NHS: variants seen among roughly 807,000 people sequenced by gnomAD.
The protein encoded by NHS is NHS actin remodeling regulator.
In NHS, 5 loss-of-function variants were observed where a neutral mutation model predicts 72.5. The observed-to-expected ratio is 0.07, with a 90% CI of 0.04 to 0.14. The LOEUF is 0.14. NHS is among the 10% of genes least tolerant of loss of function. The probability of loss-of-function intolerance (pLI) is 1.00; values close to 1 mark genes in which losing one functional copy is unlikely to be tolerated. For synonymous variants in NHS, 464 were observed against 547.7 expected (o/e 0.85, Z 2.13); for missense variants, 1,072 against 1,355.7 (o/e 0.79, Z 3.29).
At position 17,723,770 on chromosome X, in the gene NHS, T is replaced by TGTGTGTGTGTGTGTGC. The variant is rs541219770; in HGVS notation, c.1109-528_1109-527insTGTGTGTGTGTGTGCG. Among the ~76,000 whole-genome samples the TGTGTGTGTGTGTGTGC allele has an allele frequency of 1.4e-3, 124 of 91,291 alleles. 1 individual carries two copies. The highest frequency in any genetic ancestry group is 4.1e-3 in the East Asian group (12 of 2,935). The allele number at this position is 91,291 out of a possible 115,157, so 79.3% of individuals were successfully genotyped here. On this transcript the variant is annotated intron_variant, in intron 5 of 8. Coordinates refer to ENST00000676302, the MANE Select transcript of NHS (RefSeq NM_001291867.2). ...GTGTGTGTGTGTGTGTGTGTGTGTG[T>TGTGTGTGTGTGTGTGC]GCGCGCGCGTGCGCGCATGGGGAAT...
At chrX:17,518,689 G>A (rs991243433) in intron 1 of NHS, among the ~76,000 whole-genome samples, 7 of 111,949 alleles carry the variant, frequency 6.3e-5, no homozygotes, top group East Asian at 2.8e-4. Flanking sequence ...TCTACCTGGC[G>A]GCAAGGAAGC....
intron 1 of NHS, among the ~76,000 whole-genome samples, chrX:17,432,757 A>G (rs1159999158): frequency 1.8e-5 from 2 of 110,387 alleles, no homozygotes; most frequent in South Asian, 3.8e-4. Context: ...TTTTTTTTTA[A>G]TTAACCGAAC....
chrX:17,552,746 TC>T (rs1233432435), intron 1 of NHS, among the ~76,000 whole-genome samples: 1 of 111,788 alleles, frequency 8.9e-6, no homozygotes, highest in Admixed American at 9.5e-5. Context: ...GGTTGTGGCC[TC>T]CCTGAAATAG....
chrX:17,665,891 A>C (rs1182883438), intron 1 of NHS, among the ~76,000 whole-genome samples: 1 of 112,169 alleles, frequency 8.9e-6, no homozygotes, highest in Non-Finnish European at 1.9e-5. Context: ...AAGTTTTTCA[A>C]GGAATTTTCT....
Position 17,727,864 on chromosome X carries a change from C to CA in NHS, c.3759dup (p.Glu1254ArgfsTer3). 1 of 1,211,874 alleles carries CA rather than the reference C, an allele frequency of 8.3e-7. No homozygotes were observed. The highest frequency in any genetic ancestry group is 1.1e-6 in the Non-Finnish European group (1 of 895,477). ...AATGTCACAAAAGACCAAGTGCGTA[C>CA]AGAGACTGAGCCTATTCCAGAAAAC... On this transcript the variant is annotated frameshift_variant, in exon 7 of 9. Coordinates refer to ENST00000676302, the MANE Select transcript of NHS (RefSeq NM_001291867.2). LOFTEE classifies it high-confidence loss of function.
At chrX:17,536,532 C>G (rs2065225054) in intron 1 of NHS, among the ~76,000 whole-genome samples, 1 of 112,287 alleles carries the variant, frequency 8.9e-6, no homozygotes. Context: ...GGAAAAAGTA[C>G]TGGAAGGGTT....
chrX:17,474,469 G>A (rs973009279), intron 1 of NHS, among the ~76,000 whole-genome samples: 6 of 111,493 alleles, frequency 5.4e-5, no homozygotes, highest in South Asian at 7.5e-4. Context: ...ATGGAGACCC[G>A]TGCACAGGAA....
chrX:17,549,612 C>T (rs138565558), intron 1 of NHS, among the ~76,000 whole-genome samples: 1 of 111,758 alleles, frequency 8.9e-6, no homozygotes, highest in Non-Finnish European at 1.9e-5. Context: ...CAGAAAAGCT[C>T]GTTTCTGTTT....
At chrX:17,600,489 G>A (rs929093837) in intron 1 of NHS, among the ~76,000 whole-genome samples, 6 of 112,349 alleles carry the variant, frequency 5.3e-5, no homozygotes, top group Non-Finnish European at 9.4e-5. Context: ...AGACGACGCC[G>A]TCAATTTAGT....
rs930345101 is a variant in NHS at position 17,557,347 on chromosome X, A to C, written c.566-130395A>C. ...CTGTGATATATATATATATATATAT[A>C]TCTTGCATTTCAATTTCAGTCTGGT... On this transcript the variant is annotated intron_variant, in intron 1 of 8. Coordinates refer to ENST00000676302, the MANE Select transcript of NHS (RefSeq NM_001291867.2). 4.4e-4 allele frequency: 47 copies of C among 106,482 alleles called. 5 individuals are homozygous for C. Among genetic ancestry groups the C allele is most frequent in the Admixed American group, 3.6e-3 (35 of 9,791 alleles). The allele number at this position is 106,482 out of a possible 1,213,427, so 8.8% of individuals were successfully genotyped here. A position where few individuals can be genotyped will look rare whatever the true frequency, so the allele number is the denominator to read the frequency against.
intron 1 of NHS, among the ~76,000 whole-genome samples, chrX:17,676,296 G>A (rs915538943): frequency 8.9e-5 from 10 of 112,045 alleles, no homozygotes; most frequent in African/African-American, 2.9e-4. Flanking sequence ...CCATGTTTAT[G>A]ATACCTCATC....
In NHS at chrX:17,727,142, A is replaced by G. The variant is rs2147143922; in HGVS notation, c.3036A>G (p.Pro1012=). 8.3e-7 allele frequency: 1 copy of G among 1,210,497 alleles called. No homozygotes were observed. Among genetic ancestry groups the G allele is most frequent in the African/African-American group, 1.7e-5 (1 of 57,308 alleles). ...ACAATGAGTTTAAACTGGCTTCACC[A>G]GAAAAGCTGGCTGGCTTGGCATCTC... The part of the protein sequence containing the change: ...SVDNEFKLAS[P]EKLAGLASPS... The change falls in exon 7 of 9, where the codon CCA becomes CCG. Residue 1012 remains proline, a synonymous_variant. Transcript: ENST00000676302.
At chrX:17,567,827 G>C (rs1243218330) in intron 1 of NHS, among the ~76,000 whole-genome samples, 1 of 110,226 alleles carries the variant, frequency 9.1e-6, no homozygotes, top group East Asian at 2.9e-4. Context: ...AGGAAGAAGG[G>C]AGAAAGGGAA....
intron 1 of NHS, among the ~76,000 whole-genome samples, chrX:17,472,164 G>T (rs1246443680): frequency 9.0e-6 from 1 of 111,229 alleles, no homozygotes; most frequent in African/African-American, 3.3e-5. Context: ...TAAGATCAAG[G>T]CACTTAGTTG....
In NHS at chrX:17,715,789, C is replaced by T. The variant is rs759881683; in HGVS notation, c.853-3555C>T. Among the ~76,000 whole-genome samples, 24 of 111,243 alleles carry T rather than the reference C, an allele frequency of 2.2e-4. No homozygotes were observed. The East Asian group carries it at 5.3e-3, about 25-fold the overall frequency. ...ATAGAACCCAGTGTGTGTTGTTCCC[C>T]TCTATGCGGAGGGCCCTCTAAAATA... is the stretch of plus-strand genomic sequence containing the variant. On this transcript the variant is annotated intron_variant, in intron 3 of 8. Transcript: ENST00000676302.
intron 1 of NHS, among the ~76,000 whole-genome samples, chrX:17,438,093 TAG>T (rs2064732854): frequency 8.9e-6 from 1 of 112,584 alleles, no homozygotes; most frequent in Non-Finnish European, 1.9e-5. Flanking sequence ...GTGTATTGTT[TAG>T]GCTGGTGCAT....
At chrX:17,707,963 A>G (rs2066306052) in intron 3 of NHS, among the ~76,000 whole-genome samples, 1 of 111,897 alleles carries the variant, frequency 8.9e-6, no homozygotes, top group Non-Finnish European at 1.9e-5. Flanking sequence ...AGACATATCC[A>G]GACTTGTCCT....
chrX:17,450,417 C>T (rs944887451), intron 1 of NHS, among the ~76,000 whole-genome samples: 3 of 112,007 alleles, frequency 2.7e-5, no homozygotes, highest in Non-Finnish European at 5.6e-5. Context: ...TTAATCCTCA[C>T]CAACTCTGGA....
intron 1 of NHS, among the ~76,000 whole-genome samples, chrX:17,379,887 A>G (rs1050637414): frequency 2.7e-5 from 3 of 111,937 alleles, no homozygotes; most frequent in Non-Finnish European, 3.8e-5. Flanking sequence ...CAATAGTTTT[A>G]TATTTGAGCC....
Sources: gnomAD v4.1 joint callset for allele counts (sites outside exome capture counted in the v4.1 genomes callset) on GRCh38, gnomAD v4.1.1 for gene constraint, MANE v1.5 for transcripts, NCBI Gene and HGNC (gene_info 2026-07-23, HGNC 2026-07-21) for gene names.